The following ATM variants were observed in gnomAD, a reference collection of about 807,000 sequenced individuals.
The protein encoded by ATM is serine-protein kinase ATM.
A neutral mutation model predicts 387.0 loss-of-function variants in ATM; 308 were observed. The observed-to-expected ratio is 0.80, with a 90% CI of 0.73 to 0.87. The LOEUF (loss-of-function observed/expected upper bound fraction) is 0.87. Among genes scored for constraint, ATM ranks in the 40% least tolerant of loss-of-function variants. ATM has a pLI of 0.00. For missense variants in ATM, 3,312 were observed against 3,560.9 expected, an observed-to-expected ratio of 0.93 and a Z score of 1.78; for synonymous variants, 1,156 against 1,187.3, an observed-to-expected ratio of 0.97 and a Z score of 0.54.
Position 108,250,835 on chromosome 11 carries a change from G to T in ATM, c.1370G>T (p.Arg457Leu), listed in dbSNP as rs780097986. The change falls in exon 10 of 63, where the codon CGA becomes CTA. Residue 457 changes from arginine to leucine, a missense_variant. By Grantham distance (102) the Arg-to-Leu change is moderately radical (BLOSUM62 -2). Transcript: ENST00000675843. ...GGGGAACGTACACCATATGTGTTAC[G>T]ATGCCTTACGGAAGTTGCATTGTGT... Reference protein sequence around the residue: ...RHGERTPYVLRCLTEVALCQD... With the variant: ...RHGERTPYVLLCLTEVALCQD... The T allele has an allele frequency of 8.1e-6, 13 of 1,613,966 alleles. 1 individual carries two copies. In the Middle Eastern group the frequency reaches 4.9e-4, roughly 61 times the overall value.
chr11:108,229,719 A>T (rs757798564), intron 4 of ATM: 3 of 194,594 alleles, frequency 1.5e-5, no homozygotes, highest in Non-Finnish European at 3.2e-5. Flanking sequence ...TCACTCTGTC[A>T]CCCAGGCTGG....
intron 49 of ATM, among the ~76,000 whole-genome samples, chr11:108,329,521 T>C (rs2136433339): frequency 6.6e-6 from 1 of 152,190 alleles, no homozygotes; most frequent in East Asian, 1.9e-4. Context: ...CTCAATTGAT[T>C]CTCCCCCTGA....
chr11:108,320,365 T>G (rs1353708428), intron 44 of ATM, among the ~76,000 whole-genome samples: 1 of 152,216 alleles, frequency 6.6e-6, no homozygotes, highest in Non-Finnish European at 1.5e-5. Flanking sequence ...GCATTTAGTG[T>G]TCTAATTTAT....
intron 61 of ATM, among the ~76,000 whole-genome samples, chr11:108,359,228 T>A (rs1419617444): frequency 1.6e-4 from 25 of 151,520 alleles, no homozygotes; most frequent in Admixed American, 1.6e-3. Flanking sequence ...AAGGGATCAA[T>A]TCAACAAGAA....
chr11:108,288,187 C>T (rs2082596980), intron 27 of ATM, among the ~76,000 whole-genome samples: 1 of 152,034 alleles, frequency 6.6e-6, no homozygotes, highest in Non-Finnish European at 1.5e-5. Context: ...CTTCCTTCCA[C>T]CTCAGCCTCT....
At chr11:108,270,506 C>T (rs1442222659) in intron 18 of ATM, among the ~76,000 whole-genome samples, 1 of 152,108 alleles carries the variant, frequency 6.6e-6, no homozygotes, top group African/African-American at 2.4e-5. Flanking sequence ...CTTCACTCTA[C>T]TGATGAGGGT....
chr11:108,261,153 G>T (rs1487167525), intron 16 of ATM, among the ~76,000 whole-genome samples: 1 of 152,236 alleles, frequency 6.6e-6, no homozygotes, highest in Non-Finnish European at 1.5e-5. Flanking sequence ...AAGGAGGCCT[G>T]CCTGCCTCTG....
At chr11:108,271,671 G>A (rs963085061) in intron 20 of ATM, among the ~76,000 whole-genome samples, 2 of 152,166 alleles carry the variant, frequency 1.3e-5, no homozygotes, top group African/African-American at 2.4e-5. Context: ...AGTGAATAAA[G>A]GATAACAAGC....
chr11:108,256,472 GAGA>G, intron 14 of ATM, 132 bp downstream of exon 14: 2 of 852,024 alleles, frequency 2.3e-6, no homozygotes, highest in South Asian at 1.7e-5. Context: ...TATGTAATGT[GAGA>G]AGAAATTATA....
At chr11:108,296,368 A>G (rs2083121289) in intron 32 of ATM, among the ~76,000 whole-genome samples, 1 of 151,762 alleles carries the variant, frequency 6.6e-6, no homozygotes, top group South Asian at 2.1e-4. Context: ...CTCCTGCCCC[A>G]GCCTCCCAAG....
At chr11:108,279,967 T>G (rs550651278) in intron 23 of ATM, among the ~76,000 whole-genome samples, 1 of 152,338 alleles carries the variant, frequency 6.6e-6, no homozygotes, top group African/African-American at 2.4e-5. Context: ...GAGAAGAATC[T>G]CACACAAAAT....
intron 56 of ATM, 106 bp from the exon 57 acceptor site, chr11:108,343,116 T>C: frequency 7.1e-7 from 1 of 1,415,710 alleles, no homozygotes; most frequent in Non-Finnish European, 1.0e-6. Flanking sequence ...GAAATATTAA[T>C]ACAACTTGAA....
chr11:108,287,850 A>G (rs2060419549), intron 27 of ATM, 135 bp downstream of exon 27: 1 of 648,322 alleles, frequency 1.5e-6, no homozygotes, highest in Admixed American at 2.6e-5. Context: ...AAAAATAGCC[A>G]CCTTTGAATT....
intron 59 of ATM, among the ~76,000 whole-genome samples, chr11:108,347,956 A>C (rs1356048856): frequency 6.6e-6 from 1 of 152,222 alleles, no homozygotes; most frequent in Non-Finnish European, 1.5e-5. Flanking sequence ...AGAAATGATG[A>C]AGATTTATAC....
chr11:108,364,978 A>C, intron 61 of ATM, 104 bp from the exon 62 acceptor site: 1 of 1,339,344 alleles, frequency 7.5e-7, no homozygotes, highest in Non-Finnish European at 1.0e-6. Context: ...TCCCCCATCA[A>C]CTACCATGTG....
chr11:108,358,394 T>C (rs1408811065), intron 61 of ATM, among the ~76,000 whole-genome samples: 2 of 147,784 alleles, frequency 1.4e-5, no homozygotes, highest in East Asian at 4.0e-4. Context: ...CAGGAGAACT[T>C]CCCCAATCTA....
At chr11:108,296,289 C>T (rs1258676483) in intron 32 of ATM, among the ~76,000 whole-genome samples, 2 of 150,928 alleles carry the variant, frequency 1.3e-5, no homozygotes, top group Non-Finnish European at 1.5e-5. Context: ...CTCACTCTGT[C>T]GCCCAGGTTG....
intron 43 of ATM, among the ~76,000 whole-genome samples, chr11:108,318,696 CAAAA>C (rs200420593): frequency 6.6e-6 from 1 of 150,412 alleles, no homozygotes; most frequent in Non-Finnish European, 1.5e-5. Flanking sequence ...CTCAAAAAAA[CAAAA>C]AAAACACTCA....
Position 108,244,131 on chromosome 11 carries a change from C to A in ATM, c.662+13C>A, listed in dbSNP as rs1565369998. On this transcript the variant is annotated intron_variant, in intron 6 of 62. Coordinates refer to ENST00000675843, the MANE Select transcript of ATM (RefSeq NM_000051.4). ...TTCAGTGTGCGAGGTAATCTAATCT[C>A]TTTTTCTTTTGTTTTGTATTGAAAT... 2 of 1,613,338 alleles carry A rather than the reference C, an allele frequency of 1.2e-6. No individual in the cohort carries two copies. The highest frequency in any genetic ancestry group is 2.7e-5 in the African/African-American group (2 of 74,950).
Sources: gnomAD v4.1 joint callset for allele counts (sites outside exome capture counted in the v4.1 genomes callset) on GRCh38, gnomAD v4.1.1 for gene constraint, MANE v1.5 for transcripts, NCBI Gene and HGNC (gene_info 2026-07-23, HGNC 2026-07-21) for gene names.